LEF1: variants seen among roughly 807,000 people sequenced by gnomAD.
The protein encoded by LEF1 is lymphoid enhancer-binding factor 1.
A neutral mutation model predicts 51.2 loss-of-function variants in LEF1; 14 were observed. The observed-to-expected ratio is 0.27, with a 90% CI of 0.18 to 0.43. LEF1 has a LOEUF of 0.43. LEF1 is among the 20% of genes least tolerant of loss of function. The pLI, the probability that LEF1 is intolerant of heterozygous loss-of-function variation, is 1.00. For synonymous variants in LEF1, 185 were observed against 183.2 expected, an observed-to-expected ratio of 1.01 and a Z score of -0.08; for missense variants, 386 against 512.0, an observed-to-expected ratio of 0.75 and a Z score of 2.37.
intron 3 of LEF1, among the ~76,000 whole-genome samples, chr4:108,093,871 T>A (rs1740209210): frequency 6.6e-6 from 1 of 152,230 alleles, no homozygotes; most frequent in Non-Finnish European, 1.5e-5. Flanking sequence ...CCTACCCACA[T>A]AATACATAGT....
intron 3 of LEF1, among the ~76,000 whole-genome samples, chr4:108,098,628 A>T (rs943829570): frequency 6.6e-6 from 1 of 152,196 alleles, no homozygotes; most frequent in African/African-American, 2.4e-5. Context: ...TTATGTGTAC[A>T]ATTTTGTCCC....
At chr4:108,124,919 T>G (rs1289887076) in intron 3 of LEF1, among the ~76,000 whole-genome samples, 1 of 152,196 alleles carries the variant, frequency 6.6e-6, no homozygotes, top group Non-Finnish European at 1.5e-5. Flanking sequence ...GGATGGGGCA[T>G]AGCTGTTACC....
chr4:108,133,703 G>C (rs1478139495), intron 3 of LEF1, among the ~76,000 whole-genome samples: 2 of 152,198 alleles, frequency 1.3e-5, no homozygotes, highest in Non-Finnish European at 2.9e-5. Flanking sequence ...TAAATGCGGG[G>C]TTGGGACGGA....
At chr4:108,163,533 C>T in intron 3 of LEF1, 35 bp downstream of exon 3, 1 of 1,602,076 alleles carries the variant, frequency 6.2e-7, no homozygotes, top group Non-Finnish European at 8.5e-7. Context: ...ATTTGCACTT[C>T]TGAACATAAT....
chr4:108,049,354 A>G (rs1377589136), intron 11 of LEF1, among the ~76,000 whole-genome samples: 12 of 152,238 alleles, frequency 7.9e-5, no homozygotes, highest in Non-Finnish European at 1.5e-4. Context: ...AGCCTCGGAA[A>G]GGACACTCAG....
intron 3 of LEF1, among the ~76,000 whole-genome samples, chr4:108,107,201 G>GCTGAGGT (rs1741222590): frequency 6.6e-6 from 1 of 151,926 alleles, no homozygotes; most frequent in African/African-American, 2.4e-5. Context: ...CGGAAGAAGA[G>GCTGAGGT]CTGAGGTCAA....
rs1190785094 is a variant in LEF1 at position 108,078,349 on chromosome 4, C to T, written c.879G>A (p.Glu293=). ...KPQHEQRKEQ[E]PKRPHIKKPL... is the part of the protein sequence containing the mutation. ...GCTTCTTAATGTGAGGTCTTTTTGG[C>T]TCCTGCTCCTTTCTCTGTTCATGCT... Residue 293 remains glutamate (E), a synonymous_variant, in exon 8 of 12, where the codon GAG becomes GAA. Transcript: ENST00000265165. 1 of 1,614,138 alleles carries T rather than the reference C, an allele frequency of 6.2e-7. No individual in the cohort carries two copies. Among genetic ancestry groups the T allele is most frequent in the East Asian group, 2.2e-5 (1 of 44,868 alleles).
chr4:108,143,238 T>C (rs1224160950), intron 3 of LEF1, among the ~76,000 whole-genome samples: 1 of 152,224 alleles, frequency 6.6e-6, no homozygotes, highest in African/African-American at 2.4e-5. Flanking sequence ...GTTACAGTTT[T>C]TATGTTTGTT....
intron 2 of LEF1, among the ~76,000 whole-genome samples, chr4:108,164,483 T>C (rs1397834223): frequency 6.6e-6 from 1 of 152,234 alleles, no homozygotes; most frequent in African/African-American, 2.4e-5. Flanking sequence ...GGTTACTTGA[T>C]TCTTTTAAAG....
intron 3 of LEF1, among the ~76,000 whole-genome samples, chr4:108,135,044 G>A (rs1375312829): frequency 6.6e-6 from 1 of 152,240 alleles, no homozygotes; most frequent in Non-Finnish European, 1.5e-5. Context: ...AGTGAATTGA[G>A]AAGGGGGGTG....
chr4:108,067,887 G>A (rs1738185702), intron 9 of LEF1, among the ~76,000 whole-genome samples: 1 of 152,064 alleles, frequency 6.6e-6, no homozygotes, highest in Admixed American at 6.6e-5. Context: ...ACAGGGCATG[G>A]CAGGAGCTCT....
intron 3 of LEF1, among the ~76,000 whole-genome samples, chr4:108,102,912 C>G (rs1266132334): frequency 6.6e-6 from 1 of 152,194 alleles, no homozygotes; most frequent in Non-Finnish European, 1.5e-5. Context: ...ACCCTTATCT[C>G]ATTTGGATCT....
chr4:108,058,388 T>C (rs1183286803), intron 11 of LEF1, among the ~76,000 whole-genome samples: 1 of 152,208 alleles, frequency 6.6e-6, no homozygotes, highest in Non-Finnish European at 1.5e-5. Context: ...CTCCAGCACT[T>C]CAAACATTAT....
At chr4:108,063,388 G>A (rs1288674617) in intron 11 of LEF1, among the ~76,000 whole-genome samples, 1 of 152,040 alleles carries the variant, frequency 6.6e-6, no homozygotes, top group Non-Finnish European at 1.5e-5. Flanking sequence ...AGGAAATGGA[G>A]GAAGAATAAA....
chr4:108,118,130 G>A (rs1192715961), intron 3 of LEF1, among the ~76,000 whole-genome samples: 1 of 152,154 alleles, frequency 6.6e-6, no homozygotes, highest in Non-Finnish European at 1.5e-5. Flanking sequence ...AGTAGAGGTA[G>A]GAGTCAAATC....
intron 11 of LEF1, among the ~76,000 whole-genome samples, chr4:108,059,796 G>A (rs1017834192): frequency 2.6e-5 from 4 of 152,052 alleles, no homozygotes; most frequent in Admixed American, 1.3e-4. Context: ...TTGACATCCC[G>A]GGCTCAATAG....
chr4:108,072,195 A>T (rs7672996), intron 8 of LEF1: 128,740 of 152,216 alleles, frequency 0.85, 55,610 homozygotes, highest in East Asian at 0.97. Context: ...ATAAGAAGGG[A>T]ATGGGTGGGT....
At chr4:108,051,483 T>C (rs1021016131) in intron 11 of LEF1, among the ~76,000 whole-genome samples, 36 of 152,116 alleles carry the variant, frequency 2.4e-4, no homozygotes, top group Non-Finnish European at 4.4e-4. Context: ...CTTTCCCACA[T>C]CTAAGGCTTC....
At chr4:108,099,615 T>TATATATATAA (rs1553953129) in intron 3 of LEF1, among the ~76,000 whole-genome samples, 6 of 118,308 alleles carry the variant, frequency 5.1e-5, no homozygotes, top group Non-Finnish European at 1.0e-4. Context: ...TATATATATA[T>TATATATATAA]ATAAATAATA....
Sources: gnomAD v4.1 joint callset for allele counts (sites outside exome capture counted in the v4.1 genomes callset) on GRCh38, gnomAD v4.1.1 for gene constraint, MANE v1.5 for transcripts, NCBI Gene and HGNC (gene_info 2026-07-23, HGNC 2026-07-21) for gene names.